C1orf87: variants seen among roughly 807,000 people sequenced by gnomAD.
C1orf87 encodes the protein chromosome 1 open reading frame 87.
C1orf87 carries 58 observed loss-of-function variants against 60.5 expected under a neutral mutation model. That is an observed-to-expected ratio of 0.96 (90% confidence interval 0.78 to 1.19). C1orf87 has a LOEUF of 1.19. Ranked by LOEUF, C1orf87 falls within the 50% of genes most tolerant of loss-of-function variation. The pLI, the probability that C1orf87 is intolerant of heterozygous loss-of-function variation, is 0.00. For missense variants in C1orf87, 673 were observed against 638.6 expected (o/e 1.05, Z -0.58); for synonymous variants, 236 against 227.4 (o/e 1.04, Z -0.34).
At chr1:60,012,328 G>GGATAAAA (rs1341933103) in intron 8 of C1orf87, among the ~76,000 whole-genome samples, 1 of 152,042 alleles carries the variant, frequency 6.6e-6, no homozygotes, top group African/African-American at 2.4e-5. Context: ...TAACGCCTCT[G>GGATAAAA]GATAAAATGA....
At chr1:60,038,451 T>A (rs933411564) in intron 5 of C1orf87, among the ~76,000 whole-genome samples, 1 of 152,058 alleles carries the variant, frequency 6.6e-6, no homozygotes, top group East Asian at 1.9e-4. Context: ...TATCCTAAAG[T>A]GGCTATTTCA....
chr1:60,020,931 G>A (rs763170772), intron 8 of C1orf87, among the ~76,000 whole-genome samples: 4 of 152,116 alleles, frequency 2.6e-5, no homozygotes, highest in Admixed American at 2.0e-4. Context: ...TGAAGGAAGG[G>A]CCTGGTGGGA....
At chr1:60,011,636 G>T (rs1645085783) in intron 8 of C1orf87, among the ~76,000 whole-genome samples, 1 of 152,010 alleles carries the variant, frequency 6.6e-6, no homozygotes, top group Non-Finnish European at 1.5e-5. Context: ...TCTCCATCTT[G>T]TCCATCAGAA....
In C1orf87 at chr1:60,061,067, A is replaced by G. The variant is rs977964431; in HGVS notation, c.108-5629T>C. On this transcript the variant is annotated intron_variant, in intron 2 of 11. Transcript: ENST00000371201. ...TTCTATCCATACTCTGAGAGGATGC[A>G]GCATAAACAGTTCTGTCTCTGCATC... Among the ~76,000 whole-genome samples the G allele has an allele frequency of 2.6e-5, 4 of 152,336 alleles. No individual in the cohort carries two copies. In the South Asian group the frequency reaches 8.3e-4, roughly 32 times the overall value.
At chr1:60,004,722 C>T (rs928436394) in intron 9 of C1orf87, among the ~76,000 whole-genome samples, 2 of 151,784 alleles carry the variant, frequency 1.3e-5, no homozygotes, top group Non-Finnish European at 2.9e-5. Context: ...AAATAATAAC[C>T]ATCTGTCTAG....
rs1278372885 is a variant in C1orf87 at position 60,060,092 on chromosome 1, T to C, written c.108-4654A>G. Among the ~76,000 whole-genome samples the C allele has an allele frequency of 4.1e-5, 6 of 147,574 alleles. No homozygotes were observed. In the Admixed American group the frequency reaches 4.1e-4, roughly 10 times the overall value. On this transcript the variant is annotated intron_variant, in intron 2 of 11. Coordinates refer to ENST00000371201, the MANE Select transcript of C1orf87 (RefSeq NM_152377.3). ...ATGAAGGTTTTTTGTTTCTTTTTCT[T>C]TTTTTTTTTTTATGTCATGGAACCA...
At chr1:60,047,716 CCCCAAATAG>C (rs754147183) in intron 3 of C1orf87, among the ~76,000 whole-genome samples, 7 of 130,358 alleles carry the variant, frequency 5.4e-5, no homozygotes, top group Admixed American at 8.5e-5. Flanking sequence ...TTCTTCTATA[CCCCAAATAG>C]CAAGTCCAAA....
chr1:60,073,288 A>T (rs1297860183), intron 1 of C1orf87, among the ~76,000 whole-genome samples: 1 of 152,218 alleles, frequency 6.6e-6, no homozygotes, highest in Non-Finnish European at 1.5e-5. Context: ...GAGTGATGCC[A>T]AGGGAAAATC....
intron 3 of C1orf87, among the ~76,000 whole-genome samples, chr1:60,041,369 T>A (rs571521492): frequency 6.6e-6 from 1 of 152,318 alleles, no homozygotes; most frequent in South Asian, 2.1e-4. Context: ...CACACTTAGG[T>A]ATGTCTCATT....
chr1:60,054,119 T>A (rs1645435489), intron 3 of C1orf87, among the ~76,000 whole-genome samples: 1 of 152,206 alleles, frequency 6.6e-6, no homozygotes, highest in East Asian at 1.9e-4. Flanking sequence ...ATGGATTATA[T>A]CACCTCTGCA....
intron 3 of C1orf87, among the ~76,000 whole-genome samples, chr1:60,050,839 T>A (rs1645409058): frequency 6.6e-6 from 1 of 152,150 alleles, no homozygotes; most frequent in Non-Finnish European, 1.5e-5. Context: ...CTCAGTGGTC[T>A]TATAGACTTG....
chr1:60,021,484 C>A (rs1268417964), intron 8 of C1orf87, among the ~76,000 whole-genome samples: 2 of 152,146 alleles, frequency 1.3e-5, no homozygotes, highest in Admixed American at 6.5e-5. Flanking sequence ...TCAAGTTGCT[C>A]ATGAGATAGG....
chr1:60,062,144 C>G (rs1170924763), intron 2 of C1orf87, among the ~76,000 whole-genome samples: 1 of 152,176 alleles, frequency 6.6e-6, no homozygotes, highest in African/African-American at 2.4e-5. Context: ...TTCCCCTCCT[C>G]TCCTCTCTTC....
intron 3 of C1orf87, among the ~76,000 whole-genome samples, chr1:60,044,848 C>T (rs1435000031): frequency 2.6e-5 from 4 of 152,074 alleles, no homozygotes; most frequent in East Asian, 1.9e-4. Context: ...AACAAAATAC[C>T]GCTTGGGGAC....
intron 2 of C1orf87, among the ~76,000 whole-genome samples, chr1:60,071,684 G>C (rs938206402): frequency 6.6e-6 from 1 of 152,146 alleles, no homozygotes. Context: ...ACCTTGAGCT[G>C]GTTCCTGAAT....
intron 8 of C1orf87, among the ~76,000 whole-genome samples, 166 bp from the exon 9 acceptor site, chr1:60,010,622 A>G (rs564411062): frequency 6.6e-6 from 1 of 152,092 alleles, no homozygotes; most frequent in Non-Finnish European, 1.5e-5. Context: ...ATCTTTATTA[A>G]AAAGGGCTTT....
intron 2 of C1orf87, among the ~76,000 whole-genome samples, chr1:60,068,169 G>T (rs1248294227): frequency 6.6e-6 from 1 of 152,142 alleles, no homozygotes. Context: ...GTACTCCACT[G>T]AGTTCTGTGT....
chr1:60,026,576 T>G (rs1357008598), intron 7 of C1orf87, among the ~76,000 whole-genome samples: 25 of 134,800 alleles, frequency 1.9e-4, no homozygotes, highest in East Asian at 4.4e-4. Context: ...GAGAGAGAGG[T>G]AGTGGGGTAT....
intron 4 of C1orf87, 152 bp from the exon 5 acceptor site, chr1:60,040,332 C>T: frequency 1.1e-6 from 1 of 932,300 alleles, no homozygotes; most frequent in East Asian, 2.5e-5. Flanking sequence ...TGAAGGTGAG[C>T]ATTCAATCTG....
Sources: allele counts gnomAD v4.1 joint callset (sites outside exome capture counted in the v4.1 genomes callset), GRCh38; gene constraint gnomAD v4.1.1; transcripts MANE v1.5; gene names NCBI Gene and HGNC (gene_info 2026-07-23, HGNC 2026-07-21).